ARID5B: variants seen among roughly 807,000 people sequenced by gnomAD.
The protein encoded by ARID5B is AT-rich interaction domain 5B, also known as AT-rich interactive domain-containing protein 5B.
A neutral mutation model predicts 97.2 loss-of-function variants in ARID5B; 13 were observed. That is an observed-to-expected ratio of 0.13 (90% CI 0.09 to 0.21). The LOEUF (loss-of-function observed/expected upper bound fraction) is 0.21. Ranked by LOEUF, ARID5B falls within the 10% of genes least tolerant of loss-of-function variation. The pLI is 1.00. For missense variants in ARID5B, 1,210 were observed against 1,465.3 expected, an observed-to-expected ratio of 0.83 and a Z score of 2.84; for synonymous variants, 556 against 570.3, an observed-to-expected ratio of 0.97 and a Z score of 0.36.
rs947569158 is a variant in ARID5B, at chr10:61,916,985, T to A, written c.276+14572T>A. Among the ~76,000 whole-genome samples, 7 of 151,994 alleles carry A rather than the reference T, an allele frequency of 4.6e-5. 1 individual carries two copies. Among genetic ancestry groups the A allele is most frequent in the African/African-American group, 1.7e-4 (7 of 41,380 alleles). ...TCAGGGGAACTGGGGAGCGCACGAC[T>A]GGTTTGAGGCATGCCTCTAAAATGT... On this transcript the variant is annotated intron_variant, in intron 2 of 9. Coordinates refer to ENST00000279873, the MANE Select transcript of ARID5B (RefSeq NM_032199.3).
At chr10:61,964,677 C>A (rs550374941) in intron 3 of ARID5B, among the ~76,000 whole-genome samples, 1 of 152,256 alleles carries the variant, frequency 6.6e-6, no homozygotes, top group Non-Finnish European at 1.5e-5. Flanking sequence ...AAACAAGCTC[C>A]CTTTTTAAAA....
chr10:62,087,469 C>T (rs1840306377), intron 9 of ARID5B, among the ~76,000 whole-genome samples: 4 of 151,384 alleles, frequency 2.6e-5, no homozygotes, highest in Admixed American at 1.3e-4. Context: ...CAGCATGTAG[C>T]CAGTCATGTA....
intron 9 of ARID5B, among the ~76,000 whole-genome samples, chr10:62,089,321 G>GTT (rs1046484783): frequency 6.2e-4 from 92 of 147,950 alleles, no homozygotes; most frequent in African/African-American, 2.1e-3. Flanking sequence ...AAAATTCAGG[G>GTT]TTTTTTTTTT....
Position 61,991,041 on chromosome 10 carries a change from T to TAC in ARID5B, c.503-9019_503-9018dup, listed in dbSNP as rs397802272. Among the ~76,000 whole-genome samples the TAC allele has an allele frequency of 5.2e-3, 751 of 145,018 alleles. 4 individuals carry two copies. The highest frequency in any genetic ancestry group is 0.012 in the African/African-American group (478 of 38,950). On this transcript the variant is annotated intron_variant, in intron 3 of 9. Coordinates refer to ENST00000279873, the MANE Select transcript of ARID5B (RefSeq NM_032199.3). Reference sequence around the variant, plus strand: ...AAGTGGAATCACAATATTTATCCTGTACACACACACACACACACACACACA... The same window carrying TAC: ...AAGTGGAATCACAATATTTATCCTGTACACACACACACACACACACACACACA...
intron 4 of ARID5B, among the ~76,000 whole-genome samples, chr10:62,044,795 T>G (rs1839685270): frequency 1.3e-5 from 2 of 152,214 alleles, no homozygotes; most frequent in South Asian, 4.1e-4. Context: ...ATCATCAGAG[T>G]TAGAACGTCG....
At chr10:61,909,572 G>A (rs561149766) in intron 2 of ARID5B, among the ~76,000 whole-genome samples, 77 of 152,250 alleles carry the variant, frequency 5.1e-4, no homozygotes, top group African/African-American at 1.8e-3. Context: ...TGATCCACCC[G>A]CCTTGGCCTC....
At chr10:61,980,495 G>T (rs1040589433) in intron 3 of ARID5B, among the ~76,000 whole-genome samples, 10 of 152,194 alleles carry the variant, frequency 6.6e-5, no homozygotes, top group African/African-American at 2.4e-4. Context: ...TGGAACAACT[G>T]GGAGGGGTGG....
intron 9 of ARID5B, among the ~76,000 whole-genome samples, chr10:62,086,519 G>A (rs1440269055): frequency 6.6e-6 from 1 of 151,814 alleles, no homozygotes; most frequent in Non-Finnish European, 1.5e-5. Flanking sequence ...GGCTAACACG[G>A]TGAAACCCCG....
Position 61,979,817 on chromosome 10 carries a change from C to T in ARID5B, c.503-20274C>T, listed in dbSNP as rs1005244969. On this transcript the variant is annotated intron_variant, in intron 3 of 9. Transcript: ENST00000279873. Reference sequence around the variant, plus strand: ...GTCGAAAAATATGTTTTAGGCCGAGCGTGGTGGCTCACGCCTGTAATCCCA... The same window carrying T: ...GTCGAAAAATATGTTTTAGGCCGAGTGTGGTGGCTCACGCCTGTAATCCCA... Among the ~76,000 whole-genome samples, 5 of 152,286 alleles carry T rather than the reference C, an allele frequency of 3.3e-5. No homozygotes were observed. In the South Asian group the frequency reaches 6.2e-4, roughly 19 times the overall value.
chr10:62,044,806 C>T (rs531211774), intron 4 of ARID5B, among the ~76,000 whole-genome samples: 4 of 152,170 alleles, frequency 2.6e-5, no homozygotes, highest in African/African-American at 2.4e-5. Context: ...TAGAACGTCG[C>T]GCAGGATCAA....
chr10:61,957,292 G>A (rs1341174381), intron 3 of ARID5B, among the ~76,000 whole-genome samples: 7 of 151,950 alleles, frequency 4.6e-5, no homozygotes, highest in Non-Finnish European at 7.4e-5. Context: ...TTGTTGAGAC[G>A]GAGTTTCTCT....
intron 3 of ARID5B, among the ~76,000 whole-genome samples, chr10:61,984,657 A>C (rs1190741759): frequency 6.6e-6 from 1 of 152,236 alleles, no homozygotes. Context: ...GCTGGAATGG[A>C]GAGTAGGCCC....
chr10:61,952,843 GGTGTGT>G (rs59658634), intron 3 of ARID5B, among the ~76,000 whole-genome samples: 75 of 147,864 alleles, frequency 5.1e-4, no homozygotes, highest in Non-Finnish European at 9.0e-4. Flanking sequence ...TGGTGTTATA[GGTGTGT>G]GTGTGTGTGT....
At chr10:61,985,464 CT>C (rs1000129749) in intron 3 of ARID5B, among the ~76,000 whole-genome samples, 39 of 150,436 alleles carry the variant, frequency 2.6e-4, no homozygotes, top group African/African-American at 6.8e-4. Flanking sequence ...ATGTTAAATC[CT>C]TTTTTTTTAA....
intron 8 of ARID5B, among the ~76,000 whole-genome samples, chr10:62,080,980 G>A (rs1840205958): frequency 6.6e-6 from 1 of 151,976 alleles, no homozygotes; most frequent in South Asian, 2.1e-4. Flanking sequence ...GTACCACCAT[G>A]CCTGGCTAAT....
intron 4 of ARID5B, among the ~76,000 whole-genome samples, chr10:62,033,181 G>A (rs1252011648): frequency 1.3e-5 from 2 of 152,244 alleles, no homozygotes; most frequent in East Asian, 1.9e-4. Flanking sequence ...AATGAGCCTC[G>A]GGACTTAAGC....
intron 3 of ARID5B, among the ~76,000 whole-genome samples, chr10:61,960,828 G>A (rs575715257): frequency 6.6e-6 from 1 of 152,350 alleles, no homozygotes; most frequent in East Asian, 1.9e-4. Flanking sequence ...GTACTTGGCA[G>A]CAACATAATG....
chr10:61,934,521 T>G (rs1844264547), intron 2 of ARID5B, among the ~76,000 whole-genome samples: 1 of 152,186 alleles, frequency 6.6e-6, no homozygotes, highest in Non-Finnish European at 1.5e-5. Flanking sequence ...ACTTGAACAC[T>G]TAGAGGCCAT....
chr10:61,967,430 T>C (rs1346469889), intron 3 of ARID5B, among the ~76,000 whole-genome samples: 1 of 152,214 alleles, frequency 6.6e-6, no homozygotes, highest in Admixed American at 6.5e-5. Flanking sequence ...TCTACCTTAC[T>C]TATCTTCAGC....
Sources: gnomAD v4.1 joint callset for allele counts (sites outside exome capture counted in the v4.1 genomes callset) on GRCh38, gnomAD v4.1.1 for gene constraint, MANE v1.5 for transcripts, NCBI Gene and HGNC (gene_info 2026-07-23, HGNC 2026-07-21) for gene names.